The following SRCIN1 variants were observed in gnomAD, a reference collection of about 807,000 sequenced individuals.
SRCIN1 encodes P130Cas-associated protein.
Under a neutral mutation model 116.2 loss-of-function variants are expected in SRCIN1, and 50 were observed. The observed-to-expected ratio is 0.43, with a 90% CI of 0.34 to 0.54. The LOEUF is 0.54. Among genes scored for constraint, SRCIN1 ranks in the 20% least tolerant of loss-of-function variants. The pLI is 0.02. For missense variants in SRCIN1, 1,446 were observed against 1,672.0 expected (o/e 0.86, Z 2.36); for synonymous variants, 736 against 750.0 (o/e 0.98, Z 0.30).
intron 1 of SRCIN1, among the ~76,000 whole-genome samples, chr17:38,603,373 T>C (rs1435401061): frequency 6.6e-6 from 1 of 151,690 alleles, no homozygotes; most frequent in Non-Finnish European, 1.5e-5. Flanking sequence ...AGGAGGCAAG[T>C]AGAGGGGCAG....
chr17:38,560,876 G>A (rs900607707), intron 7 of SRCIN1, among the ~76,000 whole-genome samples: 2 of 152,222 alleles, frequency 1.3e-5, no homozygotes. Flanking sequence ...CTGTGTGAAG[G>A]CCAATGGCTT....
chr17:38,570,946 G>C (rs1953443939), intron 2 of SRCIN1, among the ~76,000 whole-genome samples: 1 of 152,226 alleles, frequency 6.6e-6, no homozygotes. Flanking sequence ...CTGATCTATA[G>C]AGCACATGAG....
At chr17:38,545,387 G>C (rs1206652363) in intron 17 of SRCIN1, 1 of 152,740 alleles carries the variant, frequency 6.5e-6, no homozygotes. Flanking sequence ...GCCTCTGGCG[G>C]GGAGGGAGGG....
At chr17:38,540,718 G>A (rs933346409) in intron 18 of SRCIN1, among the ~76,000 whole-genome samples, 4 of 151,838 alleles carry the variant, frequency 2.6e-5, no homozygotes, top group African/African-American at 9.7e-5. Flanking sequence ...AGGGGCCGGG[G>A]CAGGGATTTT....
rs189785725 is a variant in SRCIN1 at position 38,575,025 on chromosome 17, G to A, written c.324+3465C>T. On this transcript the variant is annotated intron_variant, in intron 2 of 18. Transcript: ENST00000617146. ...CCATTAGGGGAAGCGGGCAGGAGCC[G>A]CTGGGGTACTGTGATTGGGAGGGAA... The A allele has an allele frequency of 7.0e-5, 28 of 400,290 alleles. No individual in the cohort carries two copies. In the East Asian group the frequency reaches 7.8e-4, roughly 11 times the overall value. 24.8% of individuals were successfully genotyped at this position (400,290 alleles called of 1,614,324 possible). A position where few individuals can be genotyped will look rare whatever the true frequency, so the allele number is the denominator to read the frequency against.
chr17:38,558,293 C>T lies in SRCIN1; in HGVS notation c.2135G>A (p.Arg712His). The T allele has an allele frequency of 6.2e-7, 1 of 1,611,834 alleles. No individual in the cohort carries two copies. The highest frequency in any genetic ancestry group is 1.1e-5 in the South Asian group (1 of 91,060). Residue 712 changes from arginine (R) to histidine (H), a missense_variant, in exon 11 of 19, where the codon CGC (arginine) becomes CAC (histidine). By Grantham distance (29) the Arg-to-His change is conservative. Around this residue, in one of 5 missense-constraint regions of SRCIN1, gnomAD observed 531 missense variants for 633.9 expected, o/e 0.84. Transcript: ENST00000617146. The surrounding 1 kb of genome is among the most constrained non-coding windows in gnomAD (Gnocchi z 4.6). ...CAGCCGTTCCTCTTCCACCAGGGTGCGCTGCCGCTGCAGCGGGTCCTCCTG... is the reference window on the plus strand; with the variant it reads ...CAGCCGTTCCTCTTCCACCAGGGTGTGCTGCCGCTGCAGCGGGTCCTCCTG... Reference protein sequence around the residue: ...RRQEDPLQRQRTLVEEERLRY... With the variant: ...RRQEDPLQRQHTLVEEERLRY...
At chr17:38,582,545 C>T (rs764940519) in intron 1 of SRCIN1, among the ~76,000 whole-genome samples, 5 of 152,196 alleles carry the variant, frequency 3.3e-5, no homozygotes, top group Non-Finnish European at 7.3e-5. Context: ...TCCAGGCCGT[C>T]GCTCAGCCCT....
At chr17:38,588,178 C>T (rs568367547) in intron 1 of SRCIN1, among the ~76,000 whole-genome samples, 1 of 152,286 alleles carries the variant, frequency 6.6e-6, no homozygotes, top group Non-Finnish European at 1.5e-5. Flanking sequence ...TCTGATCTAC[C>T]CCGGAGCCCG....
At chr17:38,546,368 A>T (rs1747850277) in intron 17 of SRCIN1, 1 of 152,292 alleles carries the variant, frequency 6.6e-6, no homozygotes, top group Non-Finnish European at 1.5e-5. Flanking sequence ...TGCTCCTTCC[A>T]CTAAAGGGAG....
intron 2 of SRCIN1, among the ~76,000 whole-genome samples, chr17:38,577,617 C>T (rs534603557): frequency 1.8e-4 from 28 of 152,304 alleles, no homozygotes; most frequent in South Asian, 4.1e-4. Flanking sequence ...AGTCCCTTCA[C>T]CCAGGGGTAC....
chr17:38,547,788 C>T (rs554175595), intron 17 of SRCIN1: 37 of 232,034 alleles, frequency 1.6e-4, no homozygotes, highest in East Asian at 6.7e-4. Flanking sequence ...GCTGAGCCCC[C>T]GGGGGGCCCC....
intron 3 of SRCIN1, among the ~76,000 whole-genome samples, chr17:38,565,410 T>C (rs1373854753): frequency 6.6e-6 from 1 of 152,208 alleles, no homozygotes; most frequent in Non-Finnish European, 1.5e-5. Flanking sequence ...CCCAATTATA[T>C]TTTTTTGTAA....
At chr17:38,605,539 A>G (rs1344307096) in intron 1 of SRCIN1, 145 bp downstream of exon 1, 6 of 454,432 alleles carry the variant, frequency 1.3e-5, no homozygotes, top group Non-Finnish European at 2.1e-5. Context: ...CCTGCGCCCC[A>G]GCATCCCTCG....
In SRCIN1 at chr17:38,602,705, C is replaced by T. The variant is rs1348329932; in HGVS notation, c.22+2979G>A. On this transcript the variant is annotated intron_variant, in intron 1 of 18. Coordinates refer to ENST00000617146, the MANE Select transcript of SRCIN1 (RefSeq NM_025248.3). This position sits in a 1 kb window ranked among gnomAD's most constrained non-coding sequence, Gnocchi z 4.2. Reference sequence around the variant, plus strand: ...GAGGAGATAAATGCTTGAGATTCCTCGAAAGAGCAGCTTTTATGGCAAGCC... The same window carrying T: ...GAGGAGATAAATGCTTGAGATTCCTTGAAAGAGCAGCTTTTATGGCAAGCC... 3 of 152,294 alleles carry T rather than the reference C, an allele frequency of 2.0e-5. No homozygotes were observed. The highest frequency in any genetic ancestry group is 2.0e-4 in the Admixed American group (3 of 15,288). 9.4% of individuals were successfully genotyped at this position (152,294 alleles called of 1,614,324 possible).
At chr17:38,573,009 C>CTG (rs1907198623) in intron 2 of SRCIN1, among the ~76,000 whole-genome samples, 1 of 152,072 alleles carries the variant, frequency 6.6e-6, no homozygotes, top group Non-Finnish European at 1.5e-5. Context: ...CGCGGTCACC[C>CTG]GATACGCCGG....
In SRCIN1 at chr17:38,602,967, G is replaced by C. The variant is rs1909141614; in HGVS notation, c.22+2717C>G. 6.6e-6 allele frequency among the ~76,000 whole-genome samples: 1 copy of C among 151,032 alleles called. No homozygotes were observed. The highest frequency in any genetic ancestry group is 6.6e-5 in the Admixed American group (1 of 15,160). ...TGGGGGTGGGGGCTCAACAAACTGG[G>C]TACTTCAAAGAGCCCAGCCGCCTCC... On this transcript the variant is annotated intron_variant, in intron 1 of 18. Coordinates refer to ENST00000617146, the MANE Select transcript of SRCIN1 (RefSeq NM_025248.3). The surrounding 1 kb of genome is among the most constrained non-coding windows in gnomAD (Gnocchi z 4.2).
chr17:38,552,187 GC>G lies in SRCIN1; in HGVS notation c.2481-56del. 1 of 1,567,348 alleles carries G rather than the reference GC, an allele frequency of 6.4e-7. No individual in the cohort carries two copies. The highest frequency in any genetic ancestry group is 1.7e-5 in the Admixed American group (1 of 57,364). ...GAGGCCAGCAGGTGGTGACCCTTCT[GC>G]AGGAAGGCTGCTCTGAGGGAGGTGG... On this transcript the variant is annotated intron_variant, in intron 13 of 18. Coordinates refer to ENST00000617146, the MANE Select transcript of SRCIN1 (RefSeq NM_025248.3). The surrounding 1 kb of genome is among the most constrained non-coding windows in gnomAD (Gnocchi z 5.3).
intron 11 of SRCIN1, among the ~76,000 whole-genome samples, chr17:38,554,775 G>A (rs1377951912): frequency 6.6e-6 from 1 of 152,226 alleles, no homozygotes; most frequent in African/African-American, 2.4e-5. Flanking sequence ...TCTCAGTTCT[G>A]TACTTGAGTC....
chr17:38,578,675 C>T lies in SRCIN1; in HGVS notation c.139G>A (p.Val47Met). ...GGSGGRRFSN[V>M]GLVHTSERRH... is the part of the protein sequence containing the mutation. ...CGCTCGGACGTGTGCACCAGCCCCACGTTGGAGAAGCGCCGGCCCCCGCTG... is the reference window on the plus strand; with the variant it reads ...CGCTCGGACGTGTGCACCAGCCCCATGTTGGAGAAGCGCCGGCCCCCGCTG... The change falls in exon 2 of 19, where the codon GTG (valine) becomes ATG (methionine). Residue 47 changes from valine (V) to methionine (M), a missense_variant. Val to Met is a conservative substitution (Grantham distance 21). Coordinates refer to ENST00000617146, the MANE Select transcript of SRCIN1 (RefSeq NM_025248.3). 2 of 1,557,996 alleles carry T rather than the reference C, an allele frequency of 1.3e-6. No homozygotes were observed. Among genetic ancestry groups the T allele is most frequent in the East Asian group, 2.4e-5 (1 of 41,864 alleles).
Sources: allele counts gnomAD v4.1 joint callset (sites outside exome capture counted in the v4.1 genomes callset), GRCh38; gene constraint gnomAD v4.1.1; regional missense constraint gnomAD v4.1.1; non-coding constraint Gnocchi (gnomAD v3.1); transcripts MANE v1.5; gene names NCBI Gene and HGNC (gene_info 2026-07-23, HGNC 2026-07-21).